Variants in RANBP2 observed in about 807,000 individuals in gnomAD.
RANBP2 encodes E3 SUMO-protein ligase RanBP2.
RANBP2 carries 57 observed loss-of-function variants against 303.6 expected under a neutral mutation model. The observed-to-expected ratio is 0.19, with a 90% CI of 0.15 to 0.23. The LOEUF is 0.23. RANBP2 is among the 10% of genes least tolerant of loss of function. The pLI is 1.00. For synonymous variants in RANBP2, 1,167 were observed against 1,301.5 expected (o/e 0.90, Z 2.23); for missense variants, 3,138 against 3,780.8 (o/e 0.83, Z 4.46).
chr2:108,845,999 C>G, the RANBP2 span, among the ~76,000 whole-genome samples: 4 of 152,072 alleles, frequency 2.6e-5, no homozygotes, highest in African/African-American at 9.7e-5. Flanking sequence ...ATCTATGATT[C>G]TAACCCAGTA....
chr2:109,501,579 C>T, the RANBP2 span: 1 of 779,690 alleles, frequency 1.3e-6, no homozygotes, highest in Admixed American at 1.7e-5. Flanking sequence ...CGTCTTTGTG[C>T]ACAAGAAGCG....
At chr2:109,446,776 T>A in the RANBP2 span, among the ~76,000 whole-genome samples, 1 of 150,680 alleles carries the variant, frequency 6.6e-6, no homozygotes, top group East Asian at 2.0e-4. Context: ...CCTCTCTTCT[T>A]TGGTGCCTGG....
At chr2:109,511,666 G>A in the RANBP2 span, among the ~76,000 whole-genome samples, 4 of 152,242 alleles carry the variant, frequency 2.6e-5, no homozygotes, top group Non-Finnish European at 5.9e-5. Flanking sequence ...CCCTGCTTCT[G>A]CCTCCAGCTG....
chr2:108,741,114 CAT>C (rs1296536929), intron 7 of RANBP2, among the ~76,000 whole-genome samples: 1 of 152,128 alleles, frequency 6.6e-6, no homozygotes, highest in Non-Finnish European at 1.5e-5. Context: ...AATTGAAACA[CAT>C]GTATATAACA....
At chr2:109,225,494 G>T in the RANBP2 span, among the ~76,000 whole-genome samples, 1 of 152,222 alleles carries the variant, frequency 6.6e-6, no homozygotes, top group East Asian at 1.9e-4. Flanking sequence ...GACTGGGTGG[G>T]CTGACCCACC....
At chr2:108,912,054 G>T in the RANBP2 span, among the ~76,000 whole-genome samples, 2 of 152,210 alleles carry the variant, frequency 1.3e-5, no homozygotes, top group East Asian at 3.9e-4. Context: ...GTTAGCGCGT[G>T]GGAGGCCCAG....
the RANBP2 span, among the ~76,000 whole-genome samples, chr2:109,373,346 A>G: frequency 6.6e-6 from 1 of 152,214 alleles, no homozygotes; most frequent in African/African-American, 2.4e-5. Flanking sequence ...GGGATACCCA[A>G]CATATACATG....
the RANBP2 span, among the ~76,000 whole-genome samples, chr2:109,206,372 TC>T: frequency 6.7e-6 from 1 of 150,228 alleles, no homozygotes; most frequent in Non-Finnish European, 1.5e-5. Context: ...GCACCTGTAG[TC>T]CCAGCTACTC....
the RANBP2 span, among the ~76,000 whole-genome samples, chr2:109,234,339 T>C: frequency 6.6e-6 from 1 of 152,222 alleles, no homozygotes; most frequent in African/African-American, 2.4e-5. Flanking sequence ...ACTGTTTCTT[T>C]ATTGCAGGAT....
At chr2:109,674,620 GT>G in the RANBP2 span, among the ~76,000 whole-genome samples, 4 of 151,672 alleles carry the variant, frequency 2.6e-5, no homozygotes, top group African/African-American at 9.7e-5. Context: ...AAAAATATTA[GT>G]TTCTAAAATA....
At chr2:108,812,311 A>G in the RANBP2 span, among the ~76,000 whole-genome samples, 1 of 152,174 alleles carries the variant, frequency 6.6e-6, no homozygotes, top group Non-Finnish European at 1.5e-5. Context: ...AGGATTTTAT[A>G]CTTTTCTTTA....
intron 25 of RANBP2, among the ~76,000 whole-genome samples, chr2:108,780,296 G>C (rs529350537): frequency 6.8e-6 from 1 of 147,132 alleles, no homozygotes; most frequent in African/African-American, 2.5e-5. Flanking sequence ...AAGTTCAAGC[G>C]ATTCTCCTGC....
chr2:109,722,345 C>T, the RANBP2 span, among the ~76,000 whole-genome samples: 14 of 152,182 alleles, frequency 9.2e-5, no homozygotes, highest in Middle Eastern at 3.2e-3. Flanking sequence ...GGCACTGCTC[C>T]GGCTCAGTGT....
the RANBP2 span, among the ~76,000 whole-genome samples, chr2:108,860,515 T>A: frequency 7.0e-6 from 1 of 142,950 alleles, no homozygotes; most frequent in East Asian, 2.0e-4. Flanking sequence ...TTGTTGAGGT[T>A]TTTTTTTTTT....
At chr2:108,835,975 A>G in the RANBP2 span, among the ~76,000 whole-genome samples, 2 of 152,196 alleles carry the variant, frequency 1.3e-5, no homozygotes, top group African/African-American at 2.4e-5. Context: ...AGCAGGAGAA[A>G]GGGAGCCCAG....
At chr2:109,133,647 C>T in the RANBP2 span, among the ~76,000 whole-genome samples, 2 of 151,718 alleles carry the variant, frequency 1.3e-5, no homozygotes, top group Non-Finnish European at 2.9e-5. Context: ...TTGATGTTCT[C>T]ATTTACACCT....
At chr2:109,117,133 C>T in the RANBP2 span, among the ~76,000 whole-genome samples, 1 of 152,374 alleles carries the variant, frequency 6.6e-6, no homozygotes, top group Non-Finnish European at 1.5e-5. Flanking sequence ...TCTCCAGCTG[C>T]ATGCTGGGAG....
the RANBP2 span, among the ~76,000 whole-genome samples, chr2:109,459,329 G>A: frequency 4.8e-3 from 726 of 152,154 alleles, 4 homozygotes; most frequent in African/African-American, 0.017. Context: ...GTCATGGCTG[G>A]TATTTATAAT....
the RANBP2 span, among the ~76,000 whole-genome samples, chr2:109,563,106 T>G: frequency 1.4e-4 from 21 of 152,286 alleles, no homozygotes; most frequent in East Asian, 4.1e-3. Context: ...AGACGGGGTT[T>G]CACCATGTTG....
Sources: allele counts gnomAD v4.1 joint callset (sites outside exome capture counted in the v4.1 genomes callset), GRCh38; gene constraint gnomAD v4.1.1; transcripts MANE v1.5; gene names NCBI Gene and HGNC (gene_info 2026-07-23, HGNC 2026-07-21).